PSMG4: variants seen among roughly 807,000 people sequenced by gnomAD.
The protein encoded by PSMG4 is proteasome (prosome, macropain) assembly chaperone 4.
A neutral mutation model predicts 11.0 loss-of-function variants in PSMG4; 10 were observed. The ratio of observed to expected loss-of-function variants is 0.91; its 90% CI spans 0.56 to 1.54. PSMG4 has a LOEUF of 1.54. Among genes scored for constraint, PSMG4 ranks in the 40% most tolerant of loss-of-function variants. The pLI is 0.00. For synonymous variants in PSMG4, 95 were observed against 71.3 expected, an observed-to-expected ratio of 1.33 and a Z score of -1.68; for missense variants, 198 against 160.9, an observed-to-expected ratio of 1.23 and a Z score of -1.25.
At chr6:3,255,041 C>G (rs558805226), upstream of PSMG4, 5 of 1,550,266 alleles carry the variant, frequency 3.2e-6, no homozygotes, top group Non-Finnish European at 4.4e-6. Flanking sequence ...CTTTCTGATT[C>G]TCTGGACAGG....
upstream of PSMG4, among the ~76,000 whole-genome samples, chr6:3,254,446 T>C (rs1472186626): frequency 2.9e-5 from 2 of 69,198 alleles, no homozygotes; most frequent in African/African-American, 6.4e-5. Flanking sequence ...TGTAATAGTT[T>C]TCTGCTTTTT....
intron 1 of PSMG4, among the ~76,000 whole-genome samples, chr6:3,262,725 G>A (rs754400321): frequency 1.3e-5 from 2 of 151,656 alleles, no homozygotes; most frequent in Non-Finnish European, 2.9e-5. Flanking sequence ...GACCTCTGTA[G>A]CCAGGCTGCT....
chr6:3,266,623 T>C (rs1758190980), intron 2 of PSMG4: 1 of 152,186 alleles, frequency 6.6e-6, no homozygotes, highest in African/African-American at 2.4e-5. Flanking sequence ...TGCTTGATTT[T>C]TGCAGTTGGC....
At chr6:3,264,333 T>G (rs980167929) in intron 2 of PSMG4, 4 of 1,548,760 alleles carry the variant, frequency 2.6e-6, no homozygotes, top group Admixed American at 2.0e-5. Context: ...CAGGTAAGGC[T>G]TCCATGTGCT....
chr6:3,257,820 A>C (rs1204309190), upstream of PSMG4, among the ~76,000 whole-genome samples: 2 of 152,248 alleles, frequency 1.3e-5, no homozygotes, highest in African/African-American at 4.8e-5. Flanking sequence ...TAACGTGTCA[A>C]GACTTCAATT....
chr6:3,259,259 G>T, intron 1 of PSMG4, 63 bp downstream of exon 1: 1 of 1,210,230 alleles, frequency 8.3e-7, no homozygotes, highest in Non-Finnish European at 1.0e-6. Context: ...CCGGGCCTGC[G>T]CGAGCTGCAG....
upstream of PSMG4, among the ~76,000 whole-genome samples, chr6:3,257,441 C>G (rs1384122022): frequency 6.6e-6 from 1 of 152,196 alleles, no homozygotes; most frequent in South Asian, 2.1e-4. Context: ...GCCTTGAACT[C>G]TCCACCGGTC....
intron 2 of PSMG4, chr6:3,265,738 G>A (rs1311938602): frequency 6.6e-6 from 1 of 152,088 alleles, no homozygotes; most frequent in African/African-American, 2.4e-5. Flanking sequence ...AATGGTGGGG[G>A]AAGCCTAAGA....
intron 1 of PSMG4, among the ~76,000 whole-genome samples, chr6:3,262,148 C>T (rs1017716546): frequency 2.0e-5 from 3 of 152,184 alleles, no homozygotes; most frequent in African/African-American, 7.2e-5. Context: ...TGGGCCCGTG[C>T]CTGCTCAGGG....
chr6:3,259,632 C>G (rs1757898446), intron 1 of PSMG4, among the ~76,000 whole-genome samples: 1 of 152,230 alleles, frequency 6.6e-6, no homozygotes, highest in South Asian at 2.1e-4. Context: ...CTGCTCCCTC[C>G]TCCGCCTGAC....
upstream of PSMG4, among the ~76,000 whole-genome samples, chr6:3,257,600 A>C (rs1215114695): frequency 4.6e-5 from 7 of 152,204 alleles, no homozygotes; most frequent in Admixed American, 3.9e-4. Context: ...ACACAAGCAG[A>C]TGAACCCAAG....
chr6:3,262,490 TCTC>T (rs886347333), intron 1 of PSMG4, among the ~76,000 whole-genome samples: 67 of 152,346 alleles, frequency 4.4e-4, no homozygotes, highest in Middle Eastern at 6.8e-3. Flanking sequence ...CTTTCATTCT[TCTC>T]CTGTGTTTTT....
At chr6:3,254,441 T>A (rs1470657817), upstream of PSMG4, among the ~76,000 whole-genome samples, 1 of 84,838 alleles carries the variant, frequency 1.2e-5, no homozygotes, top group Non-Finnish European at 3.2e-5. Context: ...TGTGCTGTAA[T>A]AGTTTTCTGC....
chr6:3,265,378 C>T (rs1758144476), intron 2 of PSMG4: 1 of 151,826 alleles, frequency 6.6e-6, no homozygotes, highest in Admixed American at 6.6e-5. Context: ...GGGGGGTTCT[C>T]AGTAGCTCTG....
chr6:3,267,185 T>TTTTG (rs1758221965), intron 2 of PSMG4: 1 of 149,786 alleles, frequency 6.7e-6, no homozygotes, highest in Non-Finnish European at 1.5e-5. Flanking sequence ...TTTTTTTTTT[T>TTTTG]TTAAATCAAA....
chr6:3,263,910 G>C, intron 2 of PSMG4, 151 bp downstream of exon 2: 3 of 1,443,072 alleles, frequency 2.1e-6, no homozygotes, highest in Non-Finnish European at 2.8e-6. Flanking sequence ...TGCACGTTGG[G>C]TCTTATTTAA....
upstream of PSMG4, among the ~76,000 whole-genome samples, chr6:3,255,546 C>G (rs913063353): frequency 6.6e-6 from 1 of 152,204 alleles, no homozygotes. Flanking sequence ...AGACTCCAAC[C>G]TTGGGCTGCT....
intron 1 of PSMG4, among the ~76,000 whole-genome samples, chr6:3,261,516 A>G (rs1757990184): frequency 6.6e-6 from 1 of 152,202 alleles, no homozygotes; most frequent in African/African-American, 2.4e-5. Flanking sequence ...CATGGTGGTC[A>G]CAGCTCCCAG....
chr6:3,254,492 G>C (rs570895234), upstream of PSMG4, among the ~76,000 whole-genome samples: 1 of 151,920 alleles, frequency 6.6e-6, no homozygotes, highest in African/African-American at 2.4e-5. Context: ...GTTGCTGGTG[G>C]TTTTTTGTGT....
Sources: allele counts gnomAD v4.1 joint callset (sites outside exome capture counted in the v4.1 genomes callset), GRCh38; gene constraint gnomAD v4.1.1; transcripts MANE v1.5; gene names NCBI Gene and HGNC (gene_info 2026-07-23, HGNC 2026-07-21).